FHOD3: variants seen among roughly 807,000 people sequenced by gnomAD.
The protein encoded by FHOD3 is formin homology 2 domain containing 3.
A neutral mutation model predicts 173.0 loss-of-function variants in FHOD3; 90 were observed. That is an observed-to-expected ratio of 0.52 (90% CI 0.44 to 0.62). The LOEUF is 0.62. Ranked by LOEUF, FHOD3 falls within the 20% of genes least tolerant of loss-of-function variation. The pLI is 0.00. For missense variants in FHOD3, 1,945 were observed against 2,034.7 expected (o/e 0.96, Z 0.85); for synonymous variants, 828 against 823.0 (o/e 1.01, Z -0.10).
At position 36,349,093 on chromosome 18, in the gene FHOD3, A is replaced by G. The variant is rs537804306; in HGVS notation, c.166-6446A>G. Among the ~76,000 whole-genome samples, 14 of 152,252 alleles carry G rather than the reference A, an allele frequency of 9.2e-5. No individual in the cohort carries two copies. The East Asian group carries it at 2.3e-3, about 25-fold the overall frequency. On this transcript the variant is annotated intron_variant, in intron 1 of 28. Coordinates refer to ENST00000590592, the MANE Select transcript of FHOD3 (RefSeq NM_001281740.3). ...TGGCCAGTTTCTCCTGGGCTGTCTCATGTGTCTATCATGTGGGTCATCTGG... is the reference window on the plus strand; with the variant it reads ...TGGCCAGTTTCTCCTGGGCTGTCTCGTGTGTCTATCATGTGGGTCATCTGG...
intron 6 of FHOD3, among the ~76,000 whole-genome samples, chr18:36,577,058 A>C (rs1199280143): frequency 6.6e-6 from 1 of 151,452 alleles, no homozygotes; most frequent in Non-Finnish European, 1.5e-5. Flanking sequence ...ATGCCACTGC[A>C]CTCCAGCCTG....
At chr18:36,637,063 T>C (rs1205010407) in intron 10 of FHOD3, among the ~76,000 whole-genome samples, 1 of 152,178 alleles carries the variant, frequency 6.6e-6, no homozygotes, top group Non-Finnish European at 1.5e-5. Context: ...ACATCCATGA[T>C]AGCTCATGTC....
intron 3 of FHOD3, among the ~76,000 whole-genome samples, chr18:36,491,208 T>C (rs892466555): frequency 6.6e-6 from 1 of 152,196 alleles, no homozygotes; most frequent in African/African-American, 2.4e-5. Context: ...CTGGGGACTC[T>C]CCCACTTCCT....
chr18:36,730,430 T>A (rs1194340252), intron 19 of FHOD3, among the ~76,000 whole-genome samples: 1 of 152,230 alleles, frequency 6.6e-6, no homozygotes, highest in Non-Finnish European at 1.5e-5. Flanking sequence ...TTTGTATGTG[T>A]CTGACTCTTG....
chr18:36,442,801 C>T (rs191812740), intron 3 of FHOD3, among the ~76,000 whole-genome samples: 1 of 152,180 alleles, frequency 6.6e-6, no homozygotes, highest in South Asian at 2.1e-4. Context: ...CTCACTAATG[C>T]CCTTTTTCCT....
intron 13 of FHOD3, among the ~76,000 whole-genome samples, chr18:36,656,058 A>G (rs2036405653): frequency 6.6e-6 from 1 of 152,230 alleles, no homozygotes; most frequent in African/African-American, 2.4e-5. Flanking sequence ...TGACACAGGC[A>G]TGGAGCCTGT....
chr18:36,373,284 A>G (rs902701023), intron 3 of FHOD3, among the ~76,000 whole-genome samples: 1 of 152,216 alleles, frequency 6.6e-6, no homozygotes, highest in African/African-American at 2.4e-5. Context: ...CGGCAAGAAT[A>G]TAATGTCATA....
chr18:36,315,142 T>A (rs1009246974), intron 1 of FHOD3, among the ~76,000 whole-genome samples: 2 of 152,218 alleles, frequency 1.3e-5, no homozygotes, highest in East Asian at 1.9e-4. Flanking sequence ...TAGGCATCAC[T>A]TTATTTCTAT....
At chr18:36,686,650 A>G (rs1053081365) in intron 15 of FHOD3, among the ~76,000 whole-genome samples, 1 of 152,078 alleles carries the variant, frequency 6.6e-6, no homozygotes, top group African/African-American at 2.4e-5. Flanking sequence ...AAAAAAAAAA[A>G]AAAATCCTGG....
At chr18:36,556,846 G>A (rs551028719) in intron 5 of FHOD3, among the ~76,000 whole-genome samples, 1 of 152,234 alleles carries the variant, frequency 6.6e-6, no homozygotes, top group South Asian at 2.1e-4. Flanking sequence ...GGATTTCCTT[G>A]TAGTGCAGGT....
chr18:36,499,960 C>T (rs1385637706), intron 3 of FHOD3, among the ~76,000 whole-genome samples: 1 of 152,192 alleles, frequency 6.6e-6, no homozygotes, highest in African/African-American at 2.4e-5. Flanking sequence ...ACATACCACT[C>T]CCCAGACCCC....
At chr18:36,574,883 C>T (rs2058588603) in intron 5 of FHOD3, among the ~76,000 whole-genome samples, 1 of 151,864 alleles carries the variant, frequency 6.6e-6, no homozygotes, top group East Asian at 1.9e-4. Flanking sequence ...AAGGATATGT[C>T]CAAATAATTT....
At chr18:36,696,710 T>A (rs1052403785) in intron 17 of FHOD3, among the ~76,000 whole-genome samples, 2 of 152,212 alleles carry the variant, frequency 1.3e-5, no homozygotes, top group Non-Finnish European at 2.9e-5. Context: ...GCTTAGCAGA[T>A]GTATGTCCCC....
chr18:36,771,754 G>A (rs558695948), intron 28 of FHOD3, among the ~76,000 whole-genome samples: 4 of 152,354 alleles, frequency 2.6e-5, no homozygotes, highest in African/African-American at 7.2e-5. Context: ...GCTGGGAAGA[G>A]CCATGGAGAG....
chr18:36,418,871 G>A (rs557459821), intron 3 of FHOD3, among the ~76,000 whole-genome samples: 16 of 152,062 alleles, frequency 1.1e-4, no homozygotes, highest in Non-Finnish European at 2.2e-4. Flanking sequence ...CCGAGATCGC[G>A]CCATTGCACT....
chr18:36,779,324 C>A (rs770853450), intron 28 of FHOD3, 124 bp from the exon 29 acceptor site: 7 of 810,240 alleles, frequency 8.6e-6, no homozygotes, highest in African/African-American at 3.4e-5. Context: ...GAGTGTGAAC[C>A]CTCTGGCTTC....
chr18:36,670,434 T>C (rs954418941), intron 14 of FHOD3, among the ~76,000 whole-genome samples: 1 of 152,300 alleles, frequency 6.6e-6, no homozygotes, highest in South Asian at 2.1e-4. Context: ...TTTTGCTTCA[T>C]TTTGAATGTG....
chr18:36,642,582 CAAAAAAAAAAAAA>C (rs35920197), intron 10 of FHOD3, among the ~76,000 whole-genome samples: 4 of 61,818 alleles, frequency 6.5e-5, no homozygotes, highest in Admixed American at 1.8e-4. Flanking sequence ...GACTCCGTCT[CAAAAAAAAAAAAA>C]AAAAAAAAAA....
chr18:36,338,561 G>A (rs557864126), intron 1 of FHOD3, among the ~76,000 whole-genome samples: 3 of 152,322 alleles, frequency 2.0e-5, no homozygotes, highest in African/African-American at 7.2e-5. Context: ...TAGATAACAG[G>A]CTGGCCCAAT....
Sources: allele counts gnomAD v4.1 joint callset (sites outside exome capture counted in the v4.1 genomes callset), GRCh38; gene constraint gnomAD v4.1.1; transcripts MANE v1.5; gene names NCBI Gene and HGNC (gene_info 2026-07-23, HGNC 2026-07-21).